CERT1: variants seen among roughly 807,000 people sequenced by gnomAD.
The protein encoded by CERT1 is ceramide transfer protein.
A neutral mutation model predicts 87.9 loss-of-function variants in CERT1; 31 were observed. That is an observed-to-expected ratio of 0.35 (90% CI 0.27 to 0.48). The LOEUF (loss-of-function observed/expected upper bound fraction) is 0.48, where lower values mean the gene tolerates loss of function less well. Among genes scored for constraint, CERT1 ranks in the 20% least tolerant of loss-of-function variants. The probability of loss-of-function intolerance (pLI) is 0.99; values close to 1 mark genes in which losing one functional copy is unlikely to be tolerated. For missense variants in CERT1, 487 were observed against 758.0 expected, an observed-to-expected ratio of 0.64 and a Z score of 4.20; for synonymous variants, 289 against 250.9, an observed-to-expected ratio of 1.15 and a Z score of -1.44.
chr5:75,409,773 C>A (rs927267897), intron 8 of CERT1, among the ~76,000 whole-genome samples: 1 of 151,776 alleles, frequency 6.6e-6, no homozygotes, highest in South Asian at 2.1e-4. Context: ...GTGATCCCCC[C>A]GCCTCAGCCT....
intron 14 of CERT1, among the ~76,000 whole-genome samples, chr5:75,384,384 G>A (rs1580695769): frequency 6.6e-6 from 1 of 152,076 alleles, no homozygotes; most frequent in South Asian, 2.1e-4. Context: ...AATAAAAAGT[G>A]CACAAAGGGA....
Position 75,417,000 on chromosome 5 carries a change from C to T in CERT1, c.713G>A (p.Gly238Asp). The change falls in exon 7 of 17, where the codon GGT (glycine) becomes GAT (aspartate). Residue 238 changes from glycine to aspartate, a missense_variant. Transcript: ENST00000643780. Reference sequence around the variant, plus strand: ...TATCGCTTCCCCTTTAAAGTCTATACCATTAATTCCTTTTGGTGTCACATG... The same window carrying T: ...TATCGCTTCCCCTTTAAAGTCTATATCATTAATTCCTTTTGGTGTCACATG... The part of the protein sequence containing the change: ...FPHVTPKGIN[G>D]IDFKGEAITF... The T allele has an allele frequency of 6.2e-7, 1 of 1,609,300 alleles. No homozygotes were observed. Among genetic ancestry groups the T allele is most frequent in the Non-Finnish European group, 8.5e-7 (1 of 1,176,848 alleles).
At position 75,469,422 on chromosome 5, in the gene CERT1, A is replaced by C. The variant is rs578066435; in HGVS notation, c.232-10241T>G. Reference sequence around the variant, plus strand: ...AAAGAATAAGAACAGAAAACTTTGCAAACCTGGATTCAAAATTTGGTAAAG... The same window carrying C: ...AAAGAATAAGAACAGAAAACTTTGCCAACCTGGATTCAAAATTTGGTAAAG... On this transcript the variant is annotated intron_variant, in intron 2 of 16. Coordinates refer to ENST00000643780, the MANE Select transcript of CERT1 (RefSeq NM_001379029.1). Among the ~76,000 whole-genome samples the C allele has an allele frequency of 1.8e-4, 28 of 152,306 alleles. No individual in the cohort carries two copies. The South Asian group carries it at 5.6e-3, about 30-fold the overall frequency.
chr5:75,463,852 G>A (rs1218520992), intron 2 of CERT1, among the ~76,000 whole-genome samples: 1 of 152,210 alleles, frequency 6.6e-6, no homozygotes, highest in Non-Finnish European at 1.5e-5. Context: ...GACTTAGGGA[G>A]GGGTAAGGAA....
chr5:75,477,725 T>C (rs1489734586), intron 2 of CERT1, among the ~76,000 whole-genome samples: 1 of 149,154 alleles, frequency 6.7e-6, no homozygotes, highest in Non-Finnish European at 1.5e-5. Flanking sequence ...TAGAATATTA[T>C]CCAGCTATTT....
intron 3 of CERT1, among the ~76,000 whole-genome samples, chr5:75,439,649 C>T (rs937509714): frequency 6.6e-6 from 1 of 151,894 alleles, no homozygotes; most frequent in African/African-American, 2.4e-5. Flanking sequence ...AATTCTGAAA[C>T]CCGTAATAAA....
intron 8 of CERT1, among the ~76,000 whole-genome samples, chr5:75,404,602 T>C (rs1315197058): frequency 6.6e-6 from 1 of 152,260 alleles, no homozygotes; most frequent in Non-Finnish European, 1.5e-5. Context: ...TAACCACATC[T>C]ACATTTAAAA....
At chr5:75,494,308 G>C (rs1346718948) in intron 2 of CERT1, among the ~76,000 whole-genome samples, 1 of 152,178 alleles carries the variant, frequency 6.6e-6, no homozygotes, top group Non-Finnish European at 1.5e-5. Flanking sequence ...ACGCTGGTCA[G>C]ATTCTTAGAA....
Position 75,511,146 on chromosome 5 carries a change from C to G in CERT1, c.62G>C (p.Gly21Ala). The G allele has an allele frequency of 6.2e-7, 1 of 1,608,668 alleles. No individual in the cohort carries two copies. The highest frequency in any genetic ancestry group is 2.2e-5 in the East Asian group (1 of 44,832). ...GACCCCGCAGCGCTCCACAGGCGGC[C>G]CAGACTCCGTCTCTGGATCCTCCTC... Reference protein sequence around the residue: ...GSEEDPETESGPPVERCGVLS... With the variant: ...GSEEDPETESAPPVERCGVLS... The change falls in exon 1 of 17, where the codon GGG becomes GCG. Residue 21 changes from glycine to alanine, a missense_variant. Coordinates refer to ENST00000643780, the MANE Select transcript of CERT1 (RefSeq NM_001379029.1).
At chr5:75,461,667 C>T (rs1765237880) in intron 2 of CERT1, among the ~76,000 whole-genome samples, 1 of 152,064 alleles carries the variant, frequency 6.6e-6, no homozygotes, top group African/African-American at 2.4e-5. Flanking sequence ...TCATAATTCA[C>T]CATTTTCTCT....
chr5:75,491,449 T>A (rs1766794775), intron 2 of CERT1, among the ~76,000 whole-genome samples: 1 of 152,222 alleles, frequency 6.6e-6, no homozygotes, highest in African/African-American at 2.4e-5. Context: ...GTACTTATAC[T>A]TTGAAATCCT....
intron 2 of CERT1, among the ~76,000 whole-genome samples, chr5:75,466,378 C>G (rs1049420621): frequency 3.3e-5 from 5 of 152,178 alleles, no homozygotes; most frequent in African/African-American, 1.2e-4. Flanking sequence ...GATGCCAGTA[C>G]CAGCTACGCA....
chr5:75,483,128 A>C (rs1292482772), intron 2 of CERT1, among the ~76,000 whole-genome samples: 1 of 152,200 alleles, frequency 6.6e-6, no homozygotes, highest in East Asian at 1.9e-4. Flanking sequence ...AGTTAGCTCA[A>C]TGAAGCTGAA....
intron 1 of CERT1, among the ~76,000 whole-genome samples, chr5:75,508,677 G>GA (rs1767772239): frequency 6.6e-6 from 1 of 151,762 alleles, no homozygotes; most frequent in African/African-American, 2.4e-5. Context: ...AAACTCAAGA[G>GA]AAAAAAATAT....
At chr5:75,493,165 C>T (rs1261772137) in intron 2 of CERT1, among the ~76,000 whole-genome samples, 1 of 152,166 alleles carries the variant, frequency 6.6e-6, no homozygotes, top group Admixed American at 6.5e-5. Flanking sequence ...AAAAATTTCA[C>T]ATATATGCAA....
At position 75,472,877 on chromosome 5, in the gene CERT1, A is replaced by C. The variant is rs189669905; in HGVS notation, c.232-13696T>G. On this transcript the variant is annotated intron_variant, in intron 2 of 16. Transcript: ENST00000643780. Reference sequence around the variant, plus strand: ...AGGTTCCTCGAAAAATTAAAAAAAAACTACCATATAATTCAGTAATGCCAC... The same window carrying C: ...AGGTTCCTCGAAAAATTAAAAAAAACCTACCATATAATTCAGTAATGCCAC... 2.0e-4 allele frequency among the ~76,000 whole-genome samples: 31 copies of C among 152,328 alleles called. No homozygotes were observed. In the East Asian group the frequency reaches 5.6e-3, roughly 27 times the overall value.
chr5:75,455,409 ACTTATTT>A (rs1261244164), intron 3 of CERT1, among the ~76,000 whole-genome samples: 1 of 152,186 alleles, frequency 6.6e-6, no homozygotes, highest in Non-Finnish European at 1.5e-5. Flanking sequence ...GAATAAACAA[ACTTATTT>A]CTTATTGGTA....
At chr5:75,412,112 T>C in intron 7 of CERT1, among the ~76,000 whole-genome samples, 1 of 152,196 alleles carries the variant, frequency 6.6e-6, no homozygotes, top group East Asian at 1.9e-4. Flanking sequence ...TGGAGTCCAG[T>C]ATGTTTGTAA....
At chr5:75,438,372 A>G (rs1580771610) in intron 3 of CERT1, among the ~76,000 whole-genome samples, 1 of 152,192 alleles carries the variant, frequency 6.6e-6, no homozygotes, top group East Asian at 1.9e-4. Context: ...TTGCATTTAT[A>G]ATGTCTGCTT....
Sources: allele counts gnomAD v4.1 joint callset (sites outside exome capture counted in the v4.1 genomes callset), GRCh38; gene constraint gnomAD v4.1.1; transcripts MANE v1.5; gene names NCBI Gene and HGNC (gene_info 2026-07-23, HGNC 2026-07-21).